TOM1L1: variants seen among roughly 807,000 people sequenced by gnomAD.
TOM1L1 encodes target of myb1 like 1 membrane trafficking protein, also known as TOM1-like protein 1.
In TOM1L1, 64 loss-of-function variants were observed where a neutral mutation model predicts 63.4. The observed-to-expected ratio is 1.01, with a 90% CI of 0.83 to 1.24. The LOEUF (loss-of-function observed/expected upper bound fraction) is 1.24. TOM1L1 is among the 50% of genes most tolerant of loss of function. TOM1L1 has a pLI of 0.00. For missense variants in TOM1L1, 536 were observed against 567.0 expected, an observed-to-expected ratio of 0.95 and a Z score of 0.55; for synonymous variants, 166 against 194.4, an observed-to-expected ratio of 0.85 and a Z score of 1.22.
chr17:54,929,870 G>A (rs539016329), intron 7 of TOM1L1, among the ~76,000 whole-genome samples: 1 of 150,734 alleles, frequency 6.6e-6, no homozygotes, highest in East Asian at 2.0e-4. Context: ...CACCTATTTT[G>A]ATTTTTAAAG....
chr17:54,901,705 C>G (rs2048330451), intron 1 of TOM1L1, among the ~76,000 whole-genome samples: 1 of 152,024 alleles, frequency 6.6e-6, no homozygotes, highest in Non-Finnish European at 1.5e-5. Context: ...GTGATGATGT[C>G]AGGAACTTAG....
At chr17:54,929,670 C>T (rs2048823946) in intron 7 of TOM1L1, among the ~76,000 whole-genome samples, 1 of 151,720 alleles carries the variant, frequency 6.6e-6, no homozygotes, top group South Asian at 2.1e-4. Flanking sequence ...TTATGTCAAC[C>T]CTTGAGGTAG....
At chr17:54,913,958 A>G in intron 5 of TOM1L1, 85 bp downstream of exon 5, 1 of 1,424,902 alleles carries the variant, frequency 7.0e-7, no homozygotes, top group Non-Finnish European at 9.3e-7. Flanking sequence ...CCCTAAATCC[A>G]CCCAGCTTAA....
At chr17:54,915,113 A>C (rs1382250575) in intron 6 of TOM1L1, among the ~76,000 whole-genome samples, 1 of 152,156 alleles carries the variant, frequency 6.6e-6, no homozygotes, top group African/African-American at 2.4e-5. Flanking sequence ...ACTTGTATTT[A>C]TTATGCCAAC....
At chr17:54,913,685 A>AAAT in intron 4 of TOM1L1, 63 bp from the exon 5 acceptor site, 1 of 1,393,484 alleles carries the variant, frequency 7.2e-7, no homozygotes. Flanking sequence ...AAAAAAAAAA[A>AAAT]GAATTGTGTT....
chr17:54,912,459 A>G (rs1043258535), intron 3 of TOM1L1, among the ~76,000 whole-genome samples: 5 of 152,166 alleles, frequency 3.3e-5, no homozygotes, highest in African/African-American at 9.7e-5. Flanking sequence ...GGACTCCTCA[A>G]TAAGTCTGTC....
At chr17:54,933,874 G>A (rs962667832) in intron 8 of TOM1L1, among the ~76,000 whole-genome samples, 16 of 152,148 alleles carry the variant, frequency 1.1e-4, no homozygotes, top group African/African-American at 3.6e-4. Context: ...CAATCAATAT[G>A]TGTAAGATGT....
At chr17:54,935,848 C>T (rs781634265) in intron 8 of TOM1L1, among the ~76,000 whole-genome samples, 6 of 152,066 alleles carry the variant, frequency 3.9e-5, no homozygotes, top group African/African-American at 9.7e-5. Flanking sequence ...GAAGGCCGGG[C>T]GCGGTGGCTC....
At chr17:54,938,820 T>C in intron 10 of TOM1L1, 104 bp from the exon 11 acceptor site, 1 of 621,412 alleles carries the variant, frequency 1.6e-6, no homozygotes, top group Non-Finnish European at 2.6e-6. Context: ...TTTTCTTTTT[T>C]TTTTCTTTTT....
chr17:54,931,961 TTTG>T (rs1555610428), intron 8 of TOM1L1, among the ~76,000 whole-genome samples: 1 of 44,616 alleles, frequency 2.2e-5, no homozygotes, highest in African/African-American at 7.4e-5. Flanking sequence ...TTTTTTTTTG[TTTG>T]TTTGTTTGTT....
In TOM1L1 at chr17:54,961,167, G is replaced by A. The variant is rs1008719064; in HGVS notation, c.*2-68G>A. On this transcript the variant is annotated intron_variant, in intron 15 of 15. Coordinates refer to ENST00000575882, the MANE Select transcript of TOM1L1 (RefSeq NM_005486.3). The stretch of plus-strand genomic sequence containing the variant: ...CTCCAGCTTCCCAGTAAAGACAAGA[G>A]AGTTATCAAGGAATGGGGAAAGAGA... The A allele has an allele frequency of 7.4e-6, 8 of 1,084,492 alleles. No individual in the cohort carries two copies. The African/African-American group carries it at 9.4e-5, about 13-fold the overall frequency. 67.2% of individuals were successfully genotyped at this position (1,084,492 alleles called of 1,614,324 possible). A position where few individuals can be genotyped will look rare whatever the true frequency, so the allele number is the denominator to read the frequency against.
In TOM1L1 at chr17:54,917,051, TTTG is replaced by T. The variant is rs1342037149; in HGVS notation, c.720+1192_720+1194del. ...TTAATAATATTTTTTTCTAGTTGCA[TTTG>T]TTATTTTTCTACGTTAATATTTCAG... On this transcript the variant is annotated intron_variant, in intron 7 of 15. Coordinates refer to ENST00000575882, the MANE Select transcript of TOM1L1 (RefSeq NM_005486.3). 4 of 152,178 alleles carry T rather than the reference TTTG, an allele frequency of 2.6e-5. No homozygotes were observed. In the East Asian group the frequency reaches 5.8e-4, roughly 22 times the overall value. The allele number at this position is 152,178 out of a possible 1,614,324, so 9.4% of individuals were successfully genotyped here.
intron 14 of TOM1L1, among the ~76,000 whole-genome samples, chr17:54,951,650 T>C (rs1189372571): frequency 8.5e-5 from 13 of 152,288 alleles, no homozygotes; most frequent in Middle Eastern, 3.4e-3. Flanking sequence ...GTATGTATCA[T>C]AAGACCACAG....
intron 7 of TOM1L1, among the ~76,000 whole-genome samples, chr17:54,919,733 A>G (rs924839471): frequency 2.6e-5 from 4 of 152,098 alleles, no homozygotes; most frequent in African/African-American, 9.7e-5. Flanking sequence ...TTTTCTTTGT[A>G]TACTTTTTGT....
intron 1 of TOM1L1, among the ~76,000 whole-genome samples, chr17:54,901,453 T>C (rs1347940918): frequency 6.6e-6 from 1 of 152,048 alleles, no homozygotes; most frequent in African/African-American, 2.4e-5. Flanking sequence ...ATGCTTGGCA[T>C]TGGAGTGAAG....
At chr17:54,909,973 AT>A (rs1448193269) in intron 3 of TOM1L1, among the ~76,000 whole-genome samples, 1 of 152,206 alleles carries the variant, frequency 6.6e-6, no homozygotes, top group Non-Finnish European at 1.5e-5. Context: ...TGGTGACATA[AT>A]AGAGGAGGTG....
intron 6 of TOM1L1, 145 bp downstream of exon 6, chr17:54,914,888 T>TG: frequency 1.4e-6 from 1 of 697,608 alleles, no homozygotes; most frequent in Non-Finnish European, 2.5e-6. Flanking sequence ...AGTAATACTA[T>TG]GTGACTTACC....
chr17:54,905,474 T>C lies in TOM1L1; in HGVS notation c.144-15T>C. ...AATGCCTAAATTGGTGATTTCAGTGTATTTATTGCTATAGGCCAAAAGATG... is the reference window on the plus strand; with the variant it reads ...AATGCCTAAATTGGTGATTTCAGTGCATTTATTGCTATAGGCCAAAAGATG... On this transcript the variant is annotated splice_polypyrimidine_tract_variant and intron_variant, in intron 2 of 15. Coordinates refer to ENST00000575882, the MANE Select transcript of TOM1L1 (RefSeq NM_005486.3). 6.3e-7 allele frequency: 1 copy of C among 1,578,602 alleles called. No individual in the cohort carries two copies. The highest frequency in any genetic ancestry group is 8.7e-7 in the Non-Finnish European group (1 of 1,153,634).
chr17:54,929,969 A>T, intron 7 of TOM1L1, 104 bp from the exon 8 acceptor site: 1 of 1,428,152 alleles, frequency 7.0e-7, no homozygotes, highest in Non-Finnish European at 9.7e-7. Flanking sequence ...CCCACAGGCT[A>T]CTTAACGTGG....
Sources: allele counts gnomAD v4.1 joint callset (sites outside exome capture counted in the v4.1 genomes callset), GRCh38; gene constraint gnomAD v4.1.1; transcripts MANE v1.5; gene names NCBI Gene and HGNC (gene_info 2026-07-23, HGNC 2026-07-21).